LHFPL3: variants seen among roughly 807,000 people sequenced by gnomAD.
LHFPL3 encodes LHFPL tetraspan subfamily member 3 protein.
In LHFPL3, 5 loss-of-function variants were observed where a neutral mutation model predicts 19.3. The ratio of observed to expected loss-of-function variants is 0.26; its 90% CI spans 0.14 to 0.54. LHFPL3 has a LOEUF of 0.54. Among genes scored for constraint, LHFPL3 ranks in the 20% least tolerant of loss-of-function variants. The pLI is 0.94. For missense variants in LHFPL3, 249 were observed against 307.4 expected (o/e 0.81, Z 1.42); for synonymous variants, 133 against 126.2 (o/e 1.05, Z -0.36).
At chr7:104,780,834 A>C (rs4730046) in intron 2 of LHFPL3, among the ~76,000 whole-genome samples, 1 of 152,206 alleles carries the variant, frequency 6.6e-6, no homozygotes, top group African/African-American at 2.4e-5. Context: ...CAGACTCTGC[A>C]GTTACTTACC....
At chr7:104,405,888 G>A (rs532591609) in intron 1 of LHFPL3, among the ~76,000 whole-genome samples, 9 of 152,302 alleles carry the variant, frequency 5.9e-5, no homozygotes, top group African/African-American at 1.2e-4. Flanking sequence ...TCCTAAGAGT[G>A]TTGATGTAGG....
chr7:104,743,643 T>C (rs1410598869), intron 2 of LHFPL3, among the ~76,000 whole-genome samples: 1 of 152,192 alleles, frequency 6.6e-6, no homozygotes, highest in Non-Finnish European at 1.5e-5. Context: ...AACCTTTTCA[T>C]TGATCTCTGC....
intron 1 of LHFPL3, among the ~76,000 whole-genome samples, chr7:104,639,145 C>T (rs1791784711): frequency 6.6e-6 from 1 of 152,090 alleles, no homozygotes; most frequent in Non-Finnish European, 1.5e-5. Context: ...ATGAATGGTA[C>T]CAACTCTTCT....
intron 1 of LHFPL3, among the ~76,000 whole-genome samples, chr7:104,467,219 G>T (rs1404713125): frequency 6.6e-6 from 1 of 152,142 alleles, no homozygotes; most frequent in East Asian, 1.9e-4. Context: ...GAGCGGGGCT[G>T]GTTCTTGCTC....
chr7:104,583,325 G>C (rs901238487), intron 1 of LHFPL3, among the ~76,000 whole-genome samples: 60 of 152,264 alleles, frequency 3.9e-4, no homozygotes, highest in African/African-American at 1.4e-3. Context: ...ATGGATTAAA[G>C]ACTTAAATGT....
intron 1 of LHFPL3, among the ~76,000 whole-genome samples, chr7:104,670,460 C>G (rs1792456022): frequency 6.6e-6 from 1 of 152,150 alleles, no homozygotes; most frequent in Non-Finnish European, 1.5e-5. Context: ...AACCTTGAAA[C>G]TAAAAATTTA....
At chr7:104,438,459 G>A (rs557722315) in intron 1 of LHFPL3, among the ~76,000 whole-genome samples, 1 of 152,292 alleles carries the variant, frequency 6.6e-6, no homozygotes, top group East Asian at 1.9e-4. Flanking sequence ...TTCCTTTAGA[G>A]ACTTACAAAA....
chr7:104,871,583 T>C (rs1033126061), intron 2 of LHFPL3, among the ~76,000 whole-genome samples: 1 of 152,242 alleles, frequency 6.6e-6, no homozygotes, highest in African/African-American at 2.4e-5. Context: ...TTTGTAAAGT[T>C]TAATATTTTT....
At chr7:104,801,981 T>C (rs1790257393) in intron 2 of LHFPL3, among the ~76,000 whole-genome samples, 1 of 152,172 alleles carries the variant, frequency 6.6e-6, no homozygotes, top group Non-Finnish European at 1.5e-5. Flanking sequence ...TTTTCACAAT[T>C]TGTGCTGTAG....
chr7:104,527,240 A>G (rs1794205260), intron 1 of LHFPL3, among the ~76,000 whole-genome samples: 1 of 152,160 alleles, frequency 6.6e-6, no homozygotes, highest in African/African-American at 2.4e-5. Flanking sequence ...CTGTGGCTGC[A>G]TTCTAGTTGT....
At chr7:104,692,162 T>C (rs768653352) in intron 1 of LHFPL3, among the ~76,000 whole-genome samples, 11 of 152,232 alleles carry the variant, frequency 7.2e-5, no homozygotes, top group Non-Finnish European at 1.5e-4. Context: ...CTTAAAAGAA[T>C]TCAGTTTTAT....
chr7:104,668,173 C>A, intron 1 of LHFPL3: 1 of 1,613,924 alleles, frequency 6.2e-7, no homozygotes, highest in Admixed American at 1.7e-5. Context: ...TTTGGTTATG[C>A]TGAATTTGAG....
chr7:104,445,020 T>TGGGACAC (rs1363015436), intron 1 of LHFPL3, among the ~76,000 whole-genome samples: 2 of 152,012 alleles, frequency 1.3e-5, no homozygotes, highest in African/African-American at 4.8e-5. Flanking sequence ...ATCACAGATG[T>TGGGACAC]GGGACACTCT....
chr7:104,373,394 C>G (rs553857646), intron 1 of LHFPL3, among the ~76,000 whole-genome samples: 1 of 152,202 alleles, frequency 6.6e-6, no homozygotes, highest in Non-Finnish European at 1.5e-5. Flanking sequence ...CAAAGTATTA[C>G]GTATGTTTTA....
At chr7:104,659,597 A>T (rs118091624) in intron 1 of LHFPL3, among the ~76,000 whole-genome samples, 2,163 of 152,280 alleles carry the variant, frequency 0.014, 15 homozygotes, top group Admixed American at 0.02. Context: ...TAGGGGAATG[A>T]TTTGAGTCCC....
intron 1 of LHFPL3, among the ~76,000 whole-genome samples, chr7:104,653,651 C>T (rs900036052): frequency 2.0e-5 from 3 of 152,244 alleles, no homozygotes; most frequent in African/African-American, 7.2e-5. Flanking sequence ...GCAAACACCC[C>T]TGCTCTAAAC....
intron 2 of LHFPL3, among the ~76,000 whole-genome samples, chr7:104,873,839 G>A (rs1398736559): frequency 6.6e-6 from 1 of 152,212 alleles, no homozygotes; most frequent in Non-Finnish European, 1.5e-5. Flanking sequence ...CAAGGCTCCT[G>A]ACAAGACTGT....
chr7:104,877,573 T>C (rs919796340), intron 2 of LHFPL3, among the ~76,000 whole-genome samples: 3 of 152,122 alleles, frequency 2.0e-5, no homozygotes, highest in African/African-American at 7.2e-5. Context: ...CAATGAGATA[T>C]CACTTCCCAT....
intron 2 of LHFPL3, among the ~76,000 whole-genome samples, chr7:104,843,618 C>G (rs1199324581): frequency 6.6e-6 from 1 of 152,200 alleles, no homozygotes; most frequent in Non-Finnish European, 1.5e-5. Context: ...AGAGCCAACA[C>G]AGTCTTTCAA....
Sources: allele counts gnomAD v4.1 joint callset (sites outside exome capture counted in the v4.1 genomes callset), GRCh38; gene constraint gnomAD v4.1.1; transcripts MANE v1.5; gene names NCBI Gene and HGNC (gene_info 2026-07-23, HGNC 2026-07-21).